Variants in UTRN observed in about 807,000 individuals in gnomAD.
UTRN encodes dystrophin-related protein 1.
A neutral mutation model predicts 463.9 loss-of-function variants in UTRN; 283 were observed. The observed-to-expected ratio is 0.61, with a 90% CI of 0.55 to 0.67. UTRN has a LOEUF of 0.67. UTRN is among the 30% of genes least tolerant of loss of function. UTRN has a pLI of 0.00. For missense variants in UTRN, 3,922 were observed against 4,084.3 expected (o/e 0.96, Z 1.08); for synonymous variants, 1,442 against 1,431.5 (o/e 1.01, Z -0.17).
At chr6:144,439,009 G>A (rs1786863347) in intron 12 of UTRN, 114 bp downstream of exon 12, 2 of 1,177,972 alleles carry the variant, frequency 1.7e-6, no homozygotes, top group South Asian at 1.5e-5. Flanking sequence ...CTTCTTCAGG[G>A]TTGTCTTCAT....
chr6:144,818,978 G>A (rs1779328376), intron 65 of UTRN, among the ~76,000 whole-genome samples: 1 of 151,552 alleles, frequency 6.6e-6, no homozygotes, highest in African/African-American at 2.4e-5. Flanking sequence ...TCTCCACAGG[G>A]TTTCCTTGAA....
intron 50 of UTRN, among the ~76,000 whole-genome samples, chr6:144,567,110 G>A (rs529978475): frequency 1.3e-5 from 2 of 152,148 alleles, no homozygotes; most frequent in Non-Finnish European, 2.9e-5. Context: ...TCACACCACT[G>A]CACTCCAGCC....
At chr6:144,495,366 T>A (rs1435023358) in intron 33 of UTRN, among the ~76,000 whole-genome samples, 1 of 152,218 alleles carries the variant, frequency 6.6e-6, no homozygotes, top group Non-Finnish European at 1.5e-5. Flanking sequence ...GGGGACCCAG[T>A]ACACCCTCCA....
Position 144,473,751 on chromosome 6 carries a change from A to C in UTRN, c.3098A>C (p.Asp1033Ala). 2 of 1,614,124 alleles carry C rather than the reference A, an allele frequency of 1.2e-6. No homozygotes were observed. The highest frequency in any genetic ancestry group is 1.7e-6 in the Non-Finnish European group (2 of 1,180,004). Residue 1033 changes from aspartate (D) to alanine (A), a missense_variant, in exon 24 of 75, where the codon GAT becomes GCT. This residue lies in a region of UTRN where 2,349 missense variants were observed against 2,303.8 expected (regional missense o/e 1.02). Coordinates refer to ENST00000367545, the MANE Select transcript of UTRN (RefSeq NM_007124.3). The stretch of plus-strand genomic sequence containing the variant: ...TCAACAGTCATTGAGAAGTGGATGG[A>C]TGGCGTGAAAGACTTCTTAATGAAA... ...ADSTVIEKWM[D>A]GVKDFLMKQQ...
chr6:144,542,704 G>C (rs976662509), intron 45 of UTRN, 91 bp from the exon 46 acceptor site: 2 of 1,313,548 alleles, frequency 1.5e-6, no homozygotes, highest in African/African-American at 3.0e-5. Flanking sequence ...AAGTAGCAGA[G>C]CTGCCATTCA....
chr6:144,427,924 TACACAC>T (rs1785437670), intron 7 of UTRN, among the ~76,000 whole-genome samples: 1 of 152,072 alleles, frequency 6.6e-6, no homozygotes, highest in Non-Finnish European at 1.5e-5. Context: ...TATAGAAATG[TACACAC>T]ACTGAAGGAA....
intron 46 of UTRN, among the ~76,000 whole-genome samples, chr6:144,543,838 G>A (rs1372518188): frequency 1.3e-5 from 2 of 151,668 alleles, no homozygotes; most frequent in South Asian, 4.2e-4. Context: ...GAGATTGCAA[G>A]CTAATTGAGG....
chr6:144,391,734 G>A (rs529340866), intron 2 of UTRN, among the ~76,000 whole-genome samples: 5 of 152,154 alleles, frequency 3.3e-5, no homozygotes, highest in South Asian at 2.1e-4. Flanking sequence ...CTCCGCCTCC[G>A]GGGTTCACAC....
intron 65 of UTRN, among the ~76,000 whole-genome samples, chr6:144,819,563 C>T (rs374065600): frequency 4.6e-5 from 7 of 151,866 alleles, no homozygotes; most frequent in African/African-American, 1.4e-4. Flanking sequence ...TGTGGTGGTG[C>T]GCACCTGTAG....
chr6:144,848,486 A>G (rs1782211839), intron 74 of UTRN, among the ~76,000 whole-genome samples: 1 of 152,204 alleles, frequency 6.6e-6, no homozygotes, highest in Non-Finnish European at 1.5e-5. Flanking sequence ...GGAATGAGGA[A>G]ATGTCCAGTG....
intron 9 of UTRN, among the ~76,000 whole-genome samples, chr6:144,431,245 G>A (rs926392322): frequency 8.5e-5 from 13 of 152,102 alleles, no homozygotes; most frequent in African/African-American, 3.1e-4. Context: ...TAAAAAGGAA[G>A]GAGACTTCAT....
chr6:144,482,439 T>C, intron 27 of UTRN, 51 bp downstream of exon 27: 1 of 1,147,438 alleles, frequency 8.7e-7, no homozygotes. Flanking sequence ...ATTATTATTA[T>C]TATTTTCAGT....
chr6:144,825,675 T>C (rs1780111320), intron 66 of UTRN, among the ~76,000 whole-genome samples: 1 of 152,104 alleles, frequency 6.6e-6, no homozygotes, highest in Non-Finnish European at 1.5e-5. Flanking sequence ...TACACACTTT[T>C]CTTCTATTTG....
chr6:144,839,426 C>T (rs1270478440), intron 72 of UTRN, 142 bp downstream of exon 72: 4 of 559,484 alleles, frequency 7.1e-6, no homozygotes, highest in Non-Finnish European at 1.2e-5. Context: ...TAAATAGGTG[C>T]AAATCCATTT....
chr6:144,533,646 C>T (rs9496996), intron 43 of UTRN, among the ~76,000 whole-genome samples: 71 of 152,016 alleles, frequency 4.7e-4, no homozygotes, highest in African/African-American at 1.6e-3. Context: ...AGTAATACGT[C>T]TCACTAAGTT....
At position 144,839,297 on chromosome 6, in the gene UTRN, A is replaced by C; in HGVS notation, c.10177+13A>C. ...TTCCACCAGGCAGGTCGGTGTCCCCAGCACACAGCTCCTCTGCTGAGTCTG... is the reference window on the plus strand; with the variant it reads ...TTCCACCAGGCAGGTCGGTGTCCCCCGCACACAGCTCCTCTGCTGAGTCTG... On this transcript the variant is annotated intron_variant, in intron 72 of 74. Transcript: ENST00000367545. 1.2e-6 allele frequency: 2 copies of C among 1,600,680 alleles called. No individual in the cohort carries two copies. The highest frequency in any genetic ancestry group is 1.7e-4 in the Middle Eastern group (1 of 6,034).
chr6:144,834,392 C>T (rs1426672361), intron 69 of UTRN, among the ~76,000 whole-genome samples: 1 of 152,118 alleles, frequency 6.6e-6, no homozygotes, highest in Non-Finnish European at 1.5e-5. Context: ...ACAAGTGGCA[C>T]ATCTGAACTT....
chr6:144,487,122 T>C (rs937964453), intron 28 of UTRN, among the ~76,000 whole-genome samples: 6 of 152,138 alleles, frequency 3.9e-5, no homozygotes, highest in African/African-American at 1.4e-4. Context: ...CTTTGTGTCA[T>C]GAGCATTTCC....
intron 51 of UTRN, among the ~76,000 whole-genome samples, chr6:144,589,588 A>G (rs901807453): frequency 2.6e-5 from 4 of 152,222 alleles, no homozygotes; most frequent in Non-Finnish European, 5.9e-5. Context: ...GTCACTCAGT[A>G]TAGAAGATAT....
Sources: allele counts gnomAD v4.1 joint callset (sites outside exome capture counted in the v4.1 genomes callset), GRCh38; gene constraint gnomAD v4.1.1; regional missense constraint gnomAD v4.1.1; transcripts MANE v1.5; gene names NCBI Gene and HGNC (gene_info 2026-07-23, HGNC 2026-07-21).